Variants in MAPK4 observed in about 807,000 individuals in gnomAD.
MAPK4 encodes mitogen-activated protein kinase 4.
A neutral mutation model predicts 47.7 loss-of-function variants in MAPK4; 22 were observed. That is an observed-to-expected ratio of 0.46 (90% confidence interval 0.33 to 0.66). MAPK4 has a LOEUF of 0.66. Among genes scored for constraint, MAPK4 ranks in the 30% least tolerant of loss-of-function variants. The pLI is 0.02. For missense variants in MAPK4, 736 were observed against 831.7 expected (o/e 0.88, Z 1.42); for synonymous variants, 390 against 365.7 (o/e 1.07, Z -0.76).
At chr18:50,721,542 C>G (rs1026122589) in intron 3 of MAPK4, among the ~76,000 whole-genome samples, 1 of 152,190 alleles carries the variant, frequency 6.6e-6, no homozygotes, top group African/African-American at 2.4e-5. Context: ...GGCTCATTCC[C>G]AGCCTTAAAA....
intron 1 of MAPK4, among the ~76,000 whole-genome samples, chr18:50,596,398 T>G (rs1481097349): frequency 6.6e-6 from 1 of 152,144 alleles, no homozygotes; most frequent in East Asian, 1.9e-4. Flanking sequence ...GTTAATCCTC[T>G]TACAATAGCA....
chr18:50,593,892 C>G (rs1277613139), intron 1 of MAPK4, among the ~76,000 whole-genome samples: 1 of 152,148 alleles, frequency 6.6e-6, no homozygotes, highest in African/African-American at 2.4e-5. Context: ...TTGGCTCACA[C>G]AATCACAAGG....
chr18:50,705,570 C>G (rs1262465189), intron 2 of MAPK4: 2 of 152,254 alleles, frequency 1.3e-5, no homozygotes, highest in Non-Finnish European at 2.9e-5. Flanking sequence ...ATTCCCTCCC[C>G]TCCCTAATGT....
chr18:50,615,016 C>A (rs1427400101), intron 1 of MAPK4, among the ~76,000 whole-genome samples: 1 of 152,190 alleles, frequency 6.6e-6, no homozygotes, highest in African/African-American at 2.4e-5. Flanking sequence ...CAATCTTTCA[C>A]AACATTTGGA....
chr18:50,682,134 C>T (rs1449194214), intron 2 of MAPK4, among the ~76,000 whole-genome samples: 1 of 152,026 alleles, frequency 6.6e-6, no homozygotes, highest in African/African-American at 2.4e-5. Flanking sequence ...TGAAAATGTT[C>T]TGGAATTAGA....
At chr18:50,597,697 T>G (rs971682521) in intron 1 of MAPK4, among the ~76,000 whole-genome samples, 2 of 152,158 alleles carry the variant, frequency 1.3e-5, no homozygotes, top group Admixed American at 6.5e-5. Flanking sequence ...GTGTTAGATA[T>G]GGGGGAAATG....
At chr18:50,707,486 G>A (rs191254149) in intron 2 of MAPK4, among the ~76,000 whole-genome samples, 281 of 149,992 alleles carry the variant, frequency 1.9e-3, no homozygotes, top group African/African-American at 6.8e-3. Flanking sequence ...CCCGAGGATC[G>A]CTTGCAAGTC....
At chr18:50,602,808 T>C (rs1399501052) in intron 1 of MAPK4, among the ~76,000 whole-genome samples, 2 of 152,104 alleles carry the variant, frequency 1.3e-5, no homozygotes, top group East Asian at 3.9e-4. Context: ...ATTCCCTGGG[T>C]TCAGTACTGT....
intron 2 of MAPK4, among the ~76,000 whole-genome samples, chr18:50,703,263 C>G (rs1398629359): frequency 6.6e-6 from 1 of 152,234 alleles, no homozygotes; most frequent in African/African-American, 2.4e-5. Flanking sequence ...GCTACTCATT[C>G]AGCAGGCACC....
chr18:50,600,987 A>G (rs2042531888), intron 1 of MAPK4, among the ~76,000 whole-genome samples: 1 of 151,812 alleles, frequency 6.6e-6, no homozygotes, highest in Non-Finnish European at 1.5e-5. Flanking sequence ...GGTGGGCACA[A>G]TGGCTCACTC....
intron 2 of MAPK4, among the ~76,000 whole-genome samples, chr18:50,712,456 C>T (rs1598943579): frequency 6.6e-6 from 1 of 151,790 alleles, no homozygotes; most frequent in African/African-American, 2.4e-5. Flanking sequence ...ACAAAAAATC[C>T]ACTTTATGTT....
Position 50,664,497 on chromosome 18 carries a change from C to G in MAPK4, c.539C>G (p.Ser180Cys), listed in dbSNP as rs1907488293. Residue 180 changes from serine to cysteine, a missense_variant, in exon 2 of 6, where the codon TCC (serine) becomes TGC (cysteine). Physicochemically the swap from Ser to Cys is moderately radical, Grantham distance 112. Coordinates refer to ENST00000400384, the MANE Select transcript of MAPK4 (RefSeq NM_002747.4). The surrounding 1 kb of genome is among the most constrained non-coding windows in gnomAD (Gnocchi z 6.0). ...GCAAGGATCGTTGATCAGCATTACT[C>G]CCACAAGGTATGTCTGGCTGGAATG... ...GLARIVDQHY[S>C]HKGYLSEGLV... The G allele has an allele frequency of 6.3e-7, 1 of 1,588,628 alleles. No individual in the cohort carries two copies. The highest frequency in any genetic ancestry group is 1.7e-5 in the Admixed American group (1 of 58,764).
At chr18:50,638,131 A>G (rs1019075480) in intron 1 of MAPK4, among the ~76,000 whole-genome samples, 2 of 152,180 alleles carry the variant, frequency 1.3e-5, no homozygotes, top group Non-Finnish European at 1.5e-5. Flanking sequence ...ATTCCTGGCT[A>G]ATGATGAGAT....
intron 1 of MAPK4, among the ~76,000 whole-genome samples, chr18:50,590,140 T>A (rs1164751724): frequency 6.6e-6 from 1 of 152,222 alleles, no homozygotes; most frequent in Non-Finnish European, 1.5e-5. Flanking sequence ...CAGCCTATAA[T>A]AGGCCTATCT....
intron 3 of MAPK4, among the ~76,000 whole-genome samples, chr18:50,720,640 A>G (rs1910886923): frequency 6.6e-6 from 1 of 152,052 alleles, no homozygotes; most frequent in Non-Finnish European, 1.5e-5. Flanking sequence ...GTCACACAGG[A>G]GAGGGGTCAG....
At chr18:50,603,904 C>T (rs557224739) in intron 1 of MAPK4, among the ~76,000 whole-genome samples, 12 of 152,294 alleles carry the variant, frequency 7.9e-5, no homozygotes, top group African/African-American at 2.9e-4. Context: ...CACTCCTTTA[C>T]TCATTGGGGC....
intron 4 of MAPK4, among the ~76,000 whole-genome samples, chr18:50,724,178 AT>A (rs906581460): frequency 1.3e-5 from 2 of 152,078 alleles, no homozygotes; most frequent in African/African-American, 4.8e-5. Context: ...TGGCTGGCTA[AT>A]TTTAAAATTT....
chr18:50,664,038 G>C lies in MAPK4; in HGVS notation c.80G>C (p.Gly27Ala). The C allele has an allele frequency of 6.2e-7, 1 of 1,613,802 alleles. No homozygotes were observed. Among genetic ancestry groups the C allele is most frequent in the Middle Eastern group, 1.6e-4 (1 of 6,062 alleles). ...GGRFVDFQPL[G>A]FGVNGLVLSA... ...CGCTTTGTTGACTTCCAACCCCTGGGCTTCGGTGTCAATGGTTTGGTGCTG... is the reference window on the plus strand; with the variant it reads ...CGCTTTGTTGACTTCCAACCCCTGGCCTTCGGTGTCAATGGTTTGGTGCTG... Residue 27 changes from glycine to alanine, a missense_variant, in exon 2 of 6, where the codon GGC becomes GCC. Transcript: ENST00000400384. The surrounding 1 kb of genome is among the most constrained non-coding windows in gnomAD (Gnocchi z 6.0).
chr18:50,683,296 T>G (rs1031341758), intron 2 of MAPK4, among the ~76,000 whole-genome samples: 1 of 151,958 alleles, frequency 6.6e-6, no homozygotes, highest in African/African-American at 2.4e-5. Context: ...ATTTTTATAT[T>G]TTTTTAGTAG....
Sources: allele counts gnomAD v4.1 joint callset (sites outside exome capture counted in the v4.1 genomes callset), GRCh38; gene constraint gnomAD v4.1.1; non-coding constraint Gnocchi (gnomAD v3.1); transcripts MANE v1.5; gene names NCBI Gene and HGNC (gene_info 2026-07-23, HGNC 2026-07-21).